MLLT3: variants seen among roughly 807,000 people sequenced by gnomAD.
MLLT3 encodes protein AF-9.
Under a neutral mutation model 53.2 loss-of-function variants are expected in MLLT3, and 4 were observed. The observed-to-expected ratio is 0.08, with a 90% CI of 0.04 to 0.17. MLLT3 has a LOEUF of 0.17. MLLT3 is among the 10% of genes least tolerant of loss of function. MLLT3 has a pLI of 1.00. For synonymous variants in MLLT3, 283 were observed against 230.6 expected, an observed-to-expected ratio of 1.23 and a Z score of -2.06; for missense variants, 569 against 684.0, an observed-to-expected ratio of 0.83 and a Z score of 1.87.
rs1820972153 is a variant in MLLT3, at chr9:20,620,540, G to C, written c.193+114C>G. The C allele has an allele frequency of 6.5e-6, 6 of 917,604 alleles. No individual in the cohort carries two copies. Among genetic ancestry groups the C allele is most frequent in the Non-Finnish European group, 7.3e-6 (5 of 683,128 alleles). 56.8% of individuals were successfully genotyped at this position (917,604 alleles called of 1,614,324 possible). On this transcript the variant is annotated intron_variant, in intron 2 of 10. Coordinates refer to ENST00000380338, the MANE Select transcript of MLLT3 (RefSeq NM_004529.4). This position sits in a 1 kb window ranked among gnomAD's most constrained non-coding sequence, Gnocchi z 6.1. ...CGGCGCCGCGCACCCGGATCCCGAG[G>C]CTACGCCGGCGAGCGCGGCGCGGGG... is the stretch of plus-strand genomic sequence containing the variant.
chr9:20,517,449 C>G (rs1488245609), intron 2 of MLLT3, among the ~76,000 whole-genome samples: 1 of 149,508 alleles, frequency 6.7e-6, no homozygotes, highest in African/African-American at 2.5e-5. Context: ...GAGTGAGACT[C>G]TGTCTCAAAA....
chr9:20,459,743 G>A (rs1824062858), intron 2 of MLLT3, among the ~76,000 whole-genome samples: 1 of 151,986 alleles, frequency 6.6e-6, no homozygotes, highest in Admixed American at 6.6e-5. Context: ...ACCCTTTAAA[G>A]GAAATGACTT....
intron 4 of MLLT3, among the ~76,000 whole-genome samples, chr9:20,425,618 T>G (rs1033587969): frequency 1.3e-5 from 2 of 152,148 alleles, no homozygotes; most frequent in African/African-American, 4.8e-5. Context: ...TGATGTCATT[T>G]GTTATCTTAC....
At chr9:20,586,727 GA>G (rs1169945020) in intron 2 of MLLT3, among the ~76,000 whole-genome samples, 2 of 151,398 alleles carry the variant, frequency 1.3e-5, no homozygotes, top group Admixed American at 6.6e-5. Context: ...GGAATGAAGG[GA>G]AAAAAAGTAG....
chr9:20,404,957 C>T (rs999265306), intron 5 of MLLT3, among the ~76,000 whole-genome samples: 4 of 152,042 alleles, frequency 2.6e-5, no homozygotes, highest in Non-Finnish European at 5.9e-5. Context: ...CCTCCATGAG[C>T]GCAACCTTTA....
chr9:20,558,246 G>A (rs1351239121), intron 2 of MLLT3, among the ~76,000 whole-genome samples: 2 of 152,254 alleles, frequency 1.3e-5, no homozygotes, highest in Middle Eastern at 3.4e-3. Context: ...CAAATGATTT[G>A]CCCTAATAAA....
At chr9:20,357,892 T>C (rs1050835690) in intron 8 of MLLT3, among the ~76,000 whole-genome samples, 4 of 151,860 alleles carry the variant, frequency 2.6e-5, no homozygotes, top group African/African-American at 7.3e-5. Flanking sequence ...CCAAGTATGT[T>C]CTCAACTCTT....
Position 20,413,871 on chromosome 9 carries a change from T to C in MLLT3, c.975A>G (p.Lys325=), listed in dbSNP as rs780391319. The change falls in exon 5 of 11, where the codon AAA becomes AAG. Residue 325 remains lysine (K), a synonymous_variant. Transcript: ENST00000380338. ...TGACATGAGATTTATCTTTTATCTG[T>C]TTTTTGTCAGCAGAACAAGTGAGTA... ...PLILTCSADK[K]QIKDKSHVKM... The C allele has an allele frequency of 1.9e-6, 3 of 1,613,990 alleles. No homozygotes were observed. The Admixed American group carries it at 5.0e-5, about 27-fold the overall frequency.
intron 2 of MLLT3, among the ~76,000 whole-genome samples, chr9:20,556,757 T>G (rs1819068079): frequency 6.6e-6 from 1 of 152,044 alleles, no homozygotes; most frequent in African/African-American, 2.4e-5. Context: ...CAGGGAGAGA[T>G]AAGTTTCCAA....
At position 20,621,077 on chromosome 9, in the gene MLLT3, T is replaced by A. The variant is rs1820991295; in HGVS notation, c.13-243A>T. ...CCCGCATCTACATCGGACAGGATTGTAACGGAATGTTATCCCCAGTCGGGA... is the reference window on the plus strand; with the variant it reads ...CCCGCATCTACATCGGACAGGATTGAAACGGAATGTTATCCCCAGTCGGGA... On this transcript the variant is annotated intron_variant, in intron 1 of 10. Transcript: ENST00000380338. The surrounding 1 kb of genome is among the most constrained non-coding windows in gnomAD (Gnocchi z 7.0). The A allele has an allele frequency of 9.3e-6, 6 of 646,878 alleles. No homozygotes were observed. The East Asian group carries it at 1.7e-4, about 18-fold the overall frequency. The allele number at this position is 646,878 out of a possible 1,614,324, so 40.1% of individuals were successfully genotyped here. A position where few individuals can be genotyped will look rare whatever the true frequency, so the allele number is the denominator to read the frequency against.
intron 2 of MLLT3, among the ~76,000 whole-genome samples, chr9:20,587,563 G>GA (rs1014456314): frequency 1.3e-5 from 2 of 151,960 alleles, no homozygotes; most frequent in African/African-American, 2.4e-5. Flanking sequence ...ACCATTAAAA[G>GA]AAAAAAATCT....
intron 2 of MLLT3, among the ~76,000 whole-genome samples, chr9:20,614,743 CTT>C (rs1303033035): frequency 2.0e-5 from 3 of 152,110 alleles, no homozygotes; most frequent in Non-Finnish European, 4.4e-5. Context: ...TATGACATCT[CTT>C]TTGAAGATTC....
chr9:20,518,505 T>C (rs919753529), intron 2 of MLLT3, among the ~76,000 whole-genome samples: 1 of 152,042 alleles, frequency 6.6e-6, no homozygotes, highest in African/African-American at 2.4e-5. Flanking sequence ...CAAAAATAAG[T>C]GGGCAAAATT....
At chr9:20,431,561 G>A (rs1823268959) in intron 4 of MLLT3, among the ~76,000 whole-genome samples, 1 of 152,086 alleles carries the variant, frequency 6.6e-6, no homozygotes, top group Non-Finnish European at 1.5e-5. Flanking sequence ...ATTTGTCCAT[G>A]CATATTTATT....
At chr9:20,539,805 C>T (rs1002109222) in intron 2 of MLLT3, among the ~76,000 whole-genome samples, 1 of 152,176 alleles carries the variant, frequency 6.6e-6, no homozygotes, top group Non-Finnish European at 1.5e-5. Context: ...GAAGTCTTAA[C>T]TCATTCCAGC....
At chr9:20,409,041 A>G (rs564247179) in intron 5 of MLLT3, among the ~76,000 whole-genome samples, 10 of 152,314 alleles carry the variant, frequency 6.6e-5, no homozygotes, top group Non-Finnish European at 1.5e-5. Flanking sequence ...GTAAGCTCCA[A>G]CTATCAAAAG....
At chr9:20,383,167 A>G (rs147925004) in intron 5 of MLLT3, among the ~76,000 whole-genome samples, 82 of 152,060 alleles carry the variant, frequency 5.4e-4, no homozygotes, top group African/African-American at 1.8e-3. Flanking sequence ...ATTGTGTTGT[A>G]TATATGCATA....
intron 5 of MLLT3, among the ~76,000 whole-genome samples, chr9:20,375,747 C>T (rs112054043): frequency 0.17 from 25,505 of 151,176 alleles, 5,151 homozygotes; most frequent in African/African-American, 0.48. Flanking sequence ...TAGCTGGGAC[C>T]ACAGGCACCT....
rs1193011492 is a variant in MLLT3 at position 20,595,665 on chromosome 9, G to A, written c.193+24989C>T. 3.3e-5 allele frequency among the ~76,000 whole-genome samples: 5 copies of A among 152,144 alleles called. No individual in the cohort carries two copies. The East Asian group carries it at 9.6e-4, about 29-fold the overall frequency. On this transcript the variant is annotated intron_variant, in intron 2 of 10. Transcript: ENST00000380338. ...AAAAAAGATCAGCAGTAGATGCTAA[G>A]ACCATTAGAGAAAAGATTATTGTAG...
Sources: allele counts gnomAD v4.1 joint callset (sites outside exome capture counted in the v4.1 genomes callset), GRCh38; gene constraint gnomAD v4.1.1; non-coding constraint Gnocchi (gnomAD v3.1); transcripts MANE v1.5; gene names NCBI Gene and HGNC (gene_info 2026-07-23, HGNC 2026-07-21).